Variants in SPMIP3 observed in about 807,000 individuals in gnomAD.
The protein encoded by SPMIP3 is protein SPMIP3.
chr1:244,356,804 A>T, the SPMIP3 span, among the ~76,000 whole-genome samples: 1 of 152,090 alleles, frequency 6.6e-6, no homozygotes, highest in Non-Finnish European at 1.5e-5. Flanking sequence ...TCACTCAGTT[A>T]TTCAGTAAAT....
At chr1:244,369,357 T>C in the SPMIP3 span, among the ~76,000 whole-genome samples, 14 of 150,836 alleles carry the variant, frequency 9.3e-5, no homozygotes, top group Admixed American at 2.6e-4. Context: ...GTGATTTAAA[T>C]AGACTTTTAA....
chr1:244,361,377 C>A, the SPMIP3 span, among the ~76,000 whole-genome samples: 6 of 151,680 alleles, frequency 4.0e-5, no homozygotes, highest in East Asian at 1.2e-3. Flanking sequence ...TACAGGCATG[C>A]GCCACCATGC....
chr1:244,369,049 CTCGGG>C, the SPMIP3 span, among the ~76,000 whole-genome samples: 1 of 152,154 alleles, frequency 6.6e-6, no homozygotes, highest in African/African-American at 2.4e-5. Flanking sequence ...GTCCCAGCCT[CTCGGG>C]AGGCTGAGGC....
At chr1:244,362,573 G>A in the SPMIP3 span, among the ~76,000 whole-genome samples, 1 of 151,990 alleles carries the variant, frequency 6.6e-6, no homozygotes, top group East Asian at 1.9e-4. Context: ...GAACACTCTC[G>A]CACACATCTT....
the SPMIP3 span, among the ~76,000 whole-genome samples, chr1:244,371,136 C>A: frequency 1.3e-5 from 2 of 152,136 alleles, no homozygotes; most frequent in Non-Finnish European, 2.9e-5. Context: ...TTACAGCCAC[C>A]CTCCCAGGGA....
chr1:244,378,453 CTATT>C, the SPMIP3 span: 4 of 1,594,450 alleles, frequency 2.5e-6, no homozygotes, highest in South Asian at 4.6e-5. Flanking sequence ...CAAACTACTT[CTATT>C]TCCATTTAGA....
At chr1:244,381,405 A>G in the SPMIP3 span, among the ~76,000 whole-genome samples, 2 of 152,170 alleles carry the variant, frequency 1.3e-5, no homozygotes, top group African/African-American at 2.4e-5. Flanking sequence ...TAGACAGACA[A>G]ACAGACACAA....
At chr1:244,374,550 C>T in the SPMIP3 span, among the ~76,000 whole-genome samples, 2 of 148,132 alleles carry the variant, frequency 1.4e-5, no homozygotes, top group Non-Finnish European at 3.0e-5. Flanking sequence ...GTACTTTTTT[C>T]AGACAGAGCC....
the SPMIP3 span, among the ~76,000 whole-genome samples, chr1:244,388,782 A>G: frequency 6.6e-6 from 1 of 152,170 alleles, no homozygotes; most frequent in Non-Finnish European, 1.5e-5. Flanking sequence ...AGACTGAACC[A>G]AAGAAACAAC....
the SPMIP3 span, chr1:244,389,206 C>A: frequency 2.0e-4 from 134 of 663,320 alleles, 1 homozygote; most frequent in South Asian, 1.9e-3. Context: ...GTTGCAAATT[C>A]TTTGCAGATT....
chr1:244,358,613 ATG>A, the SPMIP3 span, among the ~76,000 whole-genome samples: 104,164 of 149,238 alleles, frequency 0.7, 37,062 homozygotes, highest in South Asian at 0.79. Context: ...ATGTATGTGT[ATG>A]TGTGTGTGTG....
the SPMIP3 span, among the ~76,000 whole-genome samples, chr1:244,372,114 G>A: frequency 6.6e-6 from 1 of 152,010 alleles, no homozygotes; most frequent in Non-Finnish European, 1.5e-5. Context: ...TCCATGTCTT[G>A]GCCCCTATAA....
At chr1:244,364,689 TTCC>T in the SPMIP3 span, 1 of 1,613,892 alleles carries the variant, frequency 6.2e-7, no homozygotes, top group Non-Finnish European at 8.5e-7. Context: ...TTTTTTCAGA[TTCC>T]CATCCATCAT....
the SPMIP3 span, among the ~76,000 whole-genome samples, chr1:244,382,471 T>C: frequency 6.6e-6 from 1 of 152,020 alleles, no homozygotes; most frequent in African/African-American, 2.4e-5. Flanking sequence ...TGTTGTTTGG[T>C]GGGTAACGAG....
At chr1:244,363,351 T>C in the SPMIP3 span, among the ~76,000 whole-genome samples, 11 of 152,116 alleles carry the variant, frequency 7.2e-5, no homozygotes, top group Non-Finnish European at 1.2e-4. Flanking sequence ...GAGGTGGCAG[T>C]GAGCCACGAT....
chr1:244,372,735 T>G, the SPMIP3 span, among the ~76,000 whole-genome samples: 9 of 152,136 alleles, frequency 5.9e-5, no homozygotes, highest in Admixed American at 5.2e-4. Context: ...GAGCCCAGCC[T>G]CCTGACTTTG....
At chr1:244,382,304 A>G in the SPMIP3 span, among the ~76,000 whole-genome samples, 1 of 152,138 alleles carries the variant, frequency 6.6e-6, no homozygotes, top group East Asian at 1.9e-4. Context: ...GTTACTTTAA[A>G]TAGGGCAGTC....
the SPMIP3 span, among the ~76,000 whole-genome samples, chr1:244,387,088 G>A: frequency 4.1e-3 from 617 of 152,202 alleles, 4 homozygotes; most frequent in African/African-American, 0.014. Flanking sequence ...GGATCACTTG[G>A]GGTCAGGAGT....
the SPMIP3 span, among the ~76,000 whole-genome samples, chr1:244,362,262 T>C: frequency 1.4e-4 from 21 of 152,360 alleles, no homozygotes; most frequent in South Asian, 8.3e-4. Context: ...GTCTCCTGGT[T>C]ACTGAATAGT....
Sources: allele counts gnomAD v4.1 joint callset (sites outside exome capture counted in the v4.1 genomes callset), GRCh38; gene constraint gnomAD v4.1.1; transcripts MANE v1.5; gene names NCBI Gene and HGNC (gene_info 2026-07-23, HGNC 2026-07-21).